The following KDM5B variants were observed in gnomAD, a reference collection of about 807,000 sequenced individuals.
The protein encoded by KDM5B is lysine demethylase 5B.
In KDM5B, 144 loss-of-function variants were observed where a neutral mutation model predicts 193.4. The ratio of observed to expected loss-of-function variants is 0.74; its 90% CI spans 0.65 to 0.86. The LOEUF is 0.86. KDM5B is among the 40% of genes least tolerant of loss of function. The pLI, the probability that KDM5B is intolerant of heterozygous loss-of-function variation, is 0.00. For missense variants in KDM5B, 1,833 were observed against 1,886.9 expected, an observed-to-expected ratio of 0.97 and a Z score of 0.53; for synonymous variants, 668 against 682.6, an observed-to-expected ratio of 0.98 and a Z score of 0.33.
chr1:202,771,089 CA>C (rs1435706667), intron 4 of KDM5B, among the ~76,000 whole-genome samples: 2 of 152,208 alleles, frequency 1.3e-5, no homozygotes, highest in African/African-American at 4.8e-5. Context: ...TCCCTTTATT[CA>C]CTATCACTTC....
intron 23 of KDM5B, among the ~76,000 whole-genome samples, chr1:202,733,157 T>G (rs940514749): frequency 5.3e-5 from 8 of 152,146 alleles, no homozygotes; most frequent in Non-Finnish European, 1.2e-4. Flanking sequence ...TTTGTATCTG[T>G]GAAAAGCTAA....
At chr1:202,767,988 T>C (rs1418222494) in intron 4 of KDM5B, among the ~76,000 whole-genome samples, 1 of 152,206 alleles carries the variant, frequency 6.6e-6, no homozygotes, top group Non-Finnish European at 1.5e-5. Flanking sequence ...CAGATATAAC[T>C]AGCAAAGTTA....
intron 7 of KDM5B, among the ~76,000 whole-genome samples, chr1:202,762,190 T>C (rs1264088238): frequency 6.6e-6 from 1 of 152,204 alleles, no homozygotes; most frequent in Non-Finnish European, 1.5e-5. Context: ...ACTGCTTTCC[T>C]TTGTTCCTTT....
chr1:202,760,351 T>A, intron 8 of KDM5B, 64 bp downstream of exon 8: 1 of 1,105,884 alleles, frequency 9.0e-7, no homozygotes, highest in Non-Finnish European at 1.3e-6. Flanking sequence ...AAAATAAAAC[T>A]CAAAGGCAAA....
chr1:202,776,556 A>AATAT (rs567561758), intron 2 of KDM5B, among the ~76,000 whole-genome samples: 1 of 151,004 alleles, frequency 6.6e-6, no homozygotes, highest in Non-Finnish European at 1.5e-5. Flanking sequence ...CACATATGTA[A>AATAT]ATATATATAT....
chr1:202,780,279 C>T (rs1368942137), intron 1 of KDM5B, among the ~76,000 whole-genome samples: 13 of 152,150 alleles, frequency 8.5e-5, no homozygotes, highest in South Asian at 6.2e-4. Context: ...TTGAACATCC[C>T]GGGTTCAAGC....
At chr1:202,750,435 C>T (rs1428164968) in intron 13 of KDM5B, among the ~76,000 whole-genome samples, 9 of 152,034 alleles carry the variant, frequency 5.9e-5, no homozygotes, top group Non-Finnish European at 7.4e-5. Context: ...CCCACCGCCA[C>T]GCCTAATTTT....
At position 202,766,964 on chromosome 1, in the gene KDM5B, A is replaced by G. The variant is rs765323671; in HGVS notation, c.673T>C (p.Cys225Arg). 1.3e-6 allele frequency: 2 copies of G among 1,584,242 alleles called. No homozygotes were observed. Among genetic ancestry groups the G allele is most frequent in the South Asian group, 2.3e-5 (2 of 85,252 alleles). ...QRQSVQPSET[C>R]PPARRAKRMR... is the part of the protein sequence containing the mutation. ...CGTTTTGCTCGTCGGGCTGGGGGGC[A>G]CGTTTCCGAAGGCTGCACAGACTGC... Residue 225 changes from cysteine (C) to arginine (R), a missense_variant, in exon 5 of 27, where the codon TGC becomes CGC. Transcript: ENST00000367265.
In KDM5B at chr1:202,742,421, T is replaced by C. The variant is rs1212605052; in HGVS notation, c.2559A>G (p.Pro853=). ...RQFVTQLYAL[P]CVLSQTPLLK... is the part of the protein sequence containing the mutation. ...GTAATGGTGTCTGACTGAGGACACATGGAAGAGCATACAGCTGTGTTACAA... is the reference window on the plus strand; with the variant it reads ...GTAATGGTGTCTGACTGAGGACACACGGAAGAGCATACAGCTGTGTTACAA... The change falls in exon 18 of 27, where the codon CCA becomes CCG. Residue 853 remains proline (P), a synonymous_variant. Coordinates refer to ENST00000367265, the MANE Select transcript of KDM5B (RefSeq NM_006618.5). 1.2e-6 allele frequency: 2 copies of C among 1,614,090 alleles called. No individual in the cohort carries two copies. Among genetic ancestry groups the C allele is most frequent in the Admixed American group, 1.7e-5 (1 of 60,028 alleles).
intron 1 of KDM5B, among the ~76,000 whole-genome samples, chr1:202,793,586 G>A (rs1409334468): frequency 6.6e-6 from 1 of 152,106 alleles, no homozygotes; most frequent in Admixed American, 6.6e-5. Context: ...AGGAGCTCAA[G>A]GATAACATGG....
intron 1 of KDM5B, among the ~76,000 whole-genome samples, chr1:202,801,791 A>G (rs982612526): frequency 1.3e-5 from 2 of 152,184 alleles, no homozygotes; most frequent in African/African-American, 4.8e-5. Context: ...AGTTATTAGT[A>G]TCTCAAACTT....
chr1:202,755,275 G>T lies in KDM5B; in HGVS notation c.1534C>A (p.His512Asn). Residue 512 changes from histidine to asparagine, a missense_variant, in exon 11 of 27, where the codon CAC (histidine) becomes AAC (asparagine). His to Asn is a moderately conservative substitution (Grantham distance 68). Coordinates refer to ENST00000367265, the MANE Select transcript of KDM5B (RefSeq NM_006618.5). Reference protein sequence around the residue: ...DHWSYSINYLHWGEPKTWYGV... With the variant: ...DHWSYSINYLNWGEPKTWYGV... ...GTTCTTTTTGGAACTTCTCACCAGT[G>T]CAAGTAGTTAATTGAATAGCTCCAG... is the stretch of plus-strand genomic sequence containing the variant. 1 of 1,613,530 alleles carries T rather than the reference G, an allele frequency of 6.2e-7. No homozygotes were observed. Among genetic ancestry groups the T allele is most frequent in the Non-Finnish European group, 8.5e-7 (1 of 1,179,472 alleles).
In KDM5B at chr1:202,729,146, A is replaced by G; in HGVS notation, c.4525T>C (p.Cys1509Arg). ...EVDWVQCDGS[C>R]NQWFHQVCVG... ...CAGACCTGATGAAACCACTGATTGC[A>G]GCTGCCATCACACTGGACCCAGTCC... The change falls in exon 27 of 27, where the codon TGC becomes CGC. Residue 1509 changes from cysteine (C) to arginine (R), a missense_variant. This residue lies in a region of KDM5B where 1,379 missense variants were observed against 1,349.6 expected (regional missense o/e 1.02). Coordinates refer to ENST00000367265, the MANE Select transcript of KDM5B (RefSeq NM_006618.5). The G allele has an allele frequency of 6.2e-7, 1 of 1,614,164 alleles. No individual in the cohort carries two copies. Among genetic ancestry groups the G allele is most frequent in the Non-Finnish European group, 8.5e-7 (1 of 1,179,990 alleles).
intron 1 of KDM5B, among the ~76,000 whole-genome samples, chr1:202,782,512 T>C (rs562900479): frequency 1.3e-5 from 2 of 152,252 alleles, no homozygotes; most frequent in East Asian, 3.9e-4. Flanking sequence ...CCATGACTTT[T>C]AAATGGGGGG....
rs1657676777 is a variant in KDM5B at position 202,792,412 on chromosome 1, G to A, written c.205-15318C>T. On this transcript the variant is annotated intron_variant, in intron 1 of 26. Transcript: ENST00000367265. ...TTCAGTTATTCTGGGATGAACCCCA[G>A]AATGACTTTAATGGGAGGCAGTGGT... Among the ~76,000 whole-genome samples, 4 of 152,204 alleles carry A rather than the reference G, an allele frequency of 2.6e-5. No homozygotes were observed. In the South Asian group the frequency reaches 8.3e-4, roughly 32 times the overall value.
At chr1:202,747,779 A>C (rs1223594659) in intron 14 of KDM5B, among the ~76,000 whole-genome samples, 2 of 152,096 alleles carry the variant, frequency 1.3e-5, no homozygotes, top group Non-Finnish European at 2.9e-5. Context: ...AAAACATGCA[A>C]TATAAAATTA....
chr1:202,807,948 G>A (rs1014254820), intron 1 of KDM5B, among the ~76,000 whole-genome samples, 154 bp downstream of exon 1: 4 of 151,392 alleles, frequency 2.6e-5, no homozygotes, highest in Non-Finnish European at 5.9e-5. Context: ...TTCCTCCCCC[G>A]GCCTCAACTC....
intron 8 of KDM5B, among the ~76,000 whole-genome samples, chr1:202,759,829 T>C (rs1428389692): frequency 4.6e-5 from 7 of 152,222 alleles, no homozygotes; most frequent in Non-Finnish European, 5.9e-5. Context: ...AATGTTTTAA[T>C]AATTCTTGCA....
chr1:202,790,393 G>A (rs1203625844), intron 1 of KDM5B, among the ~76,000 whole-genome samples: 1 of 151,992 alleles, frequency 6.6e-6, no homozygotes, highest in Admixed American at 6.6e-5. Flanking sequence ...CCTGGGCAAG[G>A]TGGCAAAATC....
Sources: allele counts gnomAD v4.1 joint callset (sites outside exome capture counted in the v4.1 genomes callset), GRCh38; gene constraint gnomAD v4.1.1; regional missense constraint gnomAD v4.1.1; transcripts MANE v1.5; gene names NCBI Gene and HGNC (gene_info 2026-07-23, HGNC 2026-07-21).